The following CASP6 variants were observed in gnomAD, a reference collection of about 807,000 sequenced individuals.
CASP6 encodes caspase 6.
CASP6 carries 20 observed loss-of-function variants against 31.8 expected under a neutral mutation model. The ratio of observed to expected loss-of-function variants is 0.63; its 90% CI spans 0.44 to 0.91. The LOEUF (loss-of-function observed/expected upper bound fraction) is 0.91. CASP6 is among the 40% of genes least tolerant of loss of function. CASP6 has a pLI of 0.00. For missense variants in CASP6, 328 were observed against 361.1 expected, an observed-to-expected ratio of 0.91 and a Z score of 0.74; for synonymous variants, 130 against 127.8, an observed-to-expected ratio of 1.02 and a Z score of -0.12.
At position 109,690,956 on chromosome 4, in the gene CASP6, A is replaced by G. The variant is rs1342000539; in HGVS notation, c.537T>C (p.Asp179=). 2 of 1,613,930 alleles carry G rather than the reference A, an allele frequency of 1.2e-6. No individual in the cohort carries two copies. Among genetic ancestry groups the G allele is most frequent in the East Asian group, 4.5e-5 (2 of 44,838 alleles). ...TGGTGTCCAACTTCTCTGTCTGATT[A>G]TCTACTACATCCAAAGGAATGACTG... ...DVPVIPLDVV[D]NQTEKLDTNI... Residue 179 remains aspartate, a synonymous_variant, in exon 6 of 7, where the codon GAT becomes GAC. Coordinates refer to ENST00000265164, the MANE Select transcript of CASP6 (RefSeq NM_001226.4).
At chr4:109,690,270 T>A (rs1431215545) in intron 6 of CASP6, among the ~76,000 whole-genome samples, 1 of 142,682 alleles carries the variant, frequency 7.0e-6, no homozygotes, top group Non-Finnish European at 1.5e-5. Context: ...ACGCAATGGC[T>A]CATACCTGTA....
Position 109,703,388 on chromosome 4 carries a change from G to C in CASP6, c.8C>G (p.Ser3Trp), listed in dbSNP as rs376919922. 13 of 1,611,696 alleles carry C rather than the reference G, an allele frequency of 8.1e-6. No individual in the cohort carries two copies. The highest frequency in any genetic ancestry group is 1.0e-5 in the Non-Finnish European group (12 of 1,179,268). Residue 3 changes from serine to tryptophan, a missense_variant, in exon 1 of 7, where the codon TCG becomes TGG. Coordinates refer to ENST00000265164, the MANE Select transcript of CASP6 (RefSeq NM_001226.4). ...GTGCCCCCTGCGGAGCCCCGAGGCC[G>C]AGCTCATTGCAGCCAAACGCGCAGC... MS[S>W]ASGLRRGHPA...
In CASP6 at chr4:109,703,339, C is replaced by A. The variant is rs1240609049; in HGVS notation, c.40+17G>T. ...GACGCAGACCTGCTCGGTGCCCAGTCGACGCCCCCTGCCTACCTGCCGGGT... is the reference window on the plus strand; with the variant it reads ...GACGCAGACCTGCTCGGTGCCCAGTAGACGCCCCCTGCCTACCTGCCGGGT... On this transcript the variant is annotated intron_variant, in intron 1 of 6. Coordinates refer to ENST00000265164, the MANE Select transcript of CASP6 (RefSeq NM_001226.4). 2 of 1,605,388 alleles carry A rather than the reference C, an allele frequency of 1.2e-6. No individual in the cohort carries two copies. The highest frequency in any genetic ancestry group is 2.2e-5 in the East Asian group (1 of 44,584).
At position 109,697,719 on chromosome 4, in the gene CASP6, C is replaced by G. The variant is rs1319947501; in HGVS notation, c.133G>C (p.Gly45Arg). ...EKYKMDHRRR[G>R]IALIFNHERF... ...TCATGATTGAAGATTAAAGCAATTC[C>G]TCTCCTCCTGTGGTCCATTTTGTAC... The change falls in exon 3 of 7, where the codon GGA becomes CGA. Residue 45 changes from glycine to arginine, a missense_variant. Gly to Arg is a moderately radical substitution (Grantham distance 125). Transcript: ENST00000265164. 3.1e-6 allele frequency: 5 copies of G among 1,613,970 alleles called. No homozygotes were observed. The highest frequency in any genetic ancestry group is 4.2e-6 in the Non-Finnish European group (5 of 1,179,948).
At chr4:109,676,353 A>T in the CASP6 span, among the ~76,000 whole-genome samples, 1 of 152,228 alleles carries the variant, frequency 6.6e-6, no homozygotes, top group Non-Finnish European at 1.5e-5. Flanking sequence ...AGTGTGGCCA[A>T]CATAGTGAAA....
chr4:109,696,781 GTTTTTTTT>G (rs757024540), intron 3 of CASP6, among the ~76,000 whole-genome samples: 34 of 126,734 alleles, frequency 2.7e-4, no homozygotes, highest in African/African-American at 9.7e-4. Flanking sequence ...ACTCAGGCAA[GTTTTTTTT>G]TTTTTTTTTT....
the CASP6 span, among the ~76,000 whole-genome samples, chr4:109,666,236 A>G: frequency 6.6e-6 from 1 of 152,206 alleles, no homozygotes; most frequent in African/African-American, 2.4e-5. Flanking sequence ...AGTTTTGGCA[A>G]TTATGAATGG....
upstream of CASP6, among the ~76,000 whole-genome samples, chr4:109,704,988 A>G (rs1399724548): frequency 6.6e-6 from 1 of 152,194 alleles, no homozygotes; most frequent in Non-Finnish European, 1.5e-5. Context: ...TACAGGTGTG[A>G]GCCACCGTGC....
chr4:109,684,578 C>G, downstream of CASP6: 1 of 1,602,764 alleles, frequency 6.2e-7, no homozygotes, highest in Non-Finnish European at 8.5e-7. Flanking sequence ...TATCATGGAG[C>G]CAGTTACATA....
At chr4:109,705,998 AAAAATATATATATATATATATAT>A (rs1730594711), upstream of CASP6, among the ~76,000 whole-genome samples, 1 of 54,762 alleles carries the variant, frequency 1.8e-5, no homozygotes, top group Non-Finnish European at 3.0e-5. Flanking sequence ...AAAAAAAAAA[AAAAATATATATATATATATATAT>A]ATATATATAT....
At chr4:109,682,612 TG>T in the CASP6 span, 1 of 1,613,222 alleles carries the variant, frequency 6.2e-7, no homozygotes, top group Admixed American at 1.7e-5. Flanking sequence ...ACTGCTGAGA[TG>T]GAACACATGA....
rs1368366006 is a variant in CASP6, at chr4:109,701,254, C to T, written c.40+2102G>A. On this transcript the variant is annotated intron_variant, in intron 1 of 6. Transcript: ENST00000265164. Reference sequence around the variant, plus strand: ...CTGGGATTACAAGCATGAGCCACCACGCCCGGCCTGCGTTAATATTTAAAA... The same window carrying T: ...CTGGGATTACAAGCATGAGCCACCATGCCCGGCCTGCGTTAATATTTAAAA... Among the ~76,000 whole-genome samples the T allele has an allele frequency of 2.6e-5, 4 of 152,254 alleles. No individual in the cohort carries two copies. The South Asian group carries it at 6.2e-4, about 24-fold the overall frequency.
In CASP6 at chr4:109,697,741, G is replaced by A. The variant is rs1480419972; in HGVS notation, c.111C>T (p.Tyr37=). ...KREMFDPAEK[Y]KMDHRRRGIA... is the part of the protein sequence containing the mutation. ...TTCCTCTCCTCCTGTGGTCCATTTT[G>A]TACTTTTCTGCCGGATCAAACATTT... The change falls in exon 3 of 7, where the codon TAC becomes TAT. Residue 37 remains tyrosine, a synonymous_variant. Coordinates refer to ENST00000265164, the MANE Select transcript of CASP6 (RefSeq NM_001226.4). The A allele has an allele frequency of 1.2e-6, 2 of 1,613,542 alleles. No individual in the cohort carries two copies. The highest frequency in any genetic ancestry group is 1.7e-6 in the Non-Finnish European group (2 of 1,179,778).
At chr4:109,665,567 C>T in the CASP6 span, among the ~76,000 whole-genome samples, 1 of 152,314 alleles carries the variant, frequency 6.6e-6, no homozygotes, top group East Asian at 1.9e-4. Flanking sequence ...AACCTCCATA[C>T]TCCCTTCATA....
upstream of CASP6, chr4:109,703,464 C>G: frequency 6.4e-7 from 1 of 1,561,100 alleles, no homozygotes; most frequent in Non-Finnish European, 8.7e-7. Flanking sequence ...GGGCCCGGCC[C>G]CGCCCTCGGC....
chr4:109,692,761 C>T (rs1730098457), intron 5 of CASP6: 1 of 152,268 alleles, frequency 6.6e-6, no homozygotes, highest in Admixed American at 6.5e-5. Context: ...TTAGGTTCTA[C>T]ACCTGTATGA....
At chr4:109,697,066 G>C (rs895776616) in intron 3 of CASP6, among the ~76,000 whole-genome samples, 1 of 151,888 alleles carries the variant, frequency 6.6e-6, no homozygotes, top group Admixed American at 6.6e-5. Flanking sequence ...GATTACAGGA[G>C]TGAGCCACCA....
chr4:109,676,795 A>G, the CASP6 span, among the ~76,000 whole-genome samples: 1 of 152,394 alleles, frequency 6.6e-6, no homozygotes, highest in Middle Eastern at 3.4e-3. Context: ...GGCAGAAGAA[A>G]ATTCTAAGCA....
At chr4:109,690,392 G>A (rs565186262) in intron 6 of CASP6, among the ~76,000 whole-genome samples, 4 of 152,084 alleles carry the variant, frequency 2.6e-5, no homozygotes, top group Admixed American at 6.6e-5. Flanking sequence ...GCATGGTGGT[G>A]CATGCCTATA....
Sources: allele counts gnomAD v4.1 joint callset (sites outside exome capture counted in the v4.1 genomes callset), GRCh38; gene constraint gnomAD v4.1.1; transcripts MANE v1.5; gene names NCBI Gene and HGNC (gene_info 2026-07-23, HGNC 2026-07-21).